ZNF148: variants seen among roughly 807,000 people sequenced by gnomAD.
The protein encoded by ZNF148 is Beta-Enolase Repressor Factor-1.
Under a neutral mutation model 67.7 loss-of-function variants are expected in ZNF148, and 7 were observed. The ratio of observed to expected loss-of-function variants is 0.10; its 90% CI spans 0.06 to 0.19. The LOEUF (loss-of-function observed/expected upper bound fraction) is 0.19, where lower values mean the gene tolerates loss of function less well. Among genes scored for constraint, ZNF148 ranks in the 10% least tolerant of loss-of-function variants. ZNF148 has a pLI of 1.00. For synonymous variants in ZNF148, 333 were observed against 330.7 expected (o/e 1.01, Z -0.08); for missense variants, 583 against 947.1 (o/e 0.62, Z 5.05).
At chr3:125,369,130 T>C (rs893686769) in intron 1 of ZNF148, among the ~76,000 whole-genome samples, 1 of 150,102 alleles carries the variant, frequency 6.7e-6, no homozygotes, top group Non-Finnish European at 1.5e-5. Context: ...GGTGTGCTGG[T>C]GTGTGCCTCT....
rs2107822407 is a variant in ZNF148 at position 125,229,632 on chromosome 3, C to T, written c.*2709G>A. ...AAAAGCACACCTCACTCAGATTGAT[C>T]AAAAGTTTAAGGGTGTACCAGCATG... On this transcript the variant is annotated 3_prime_UTR_variant, in exon 9 of 9. Coordinates refer to ENST00000360647, the MANE Select transcript of ZNF148 (RefSeq NM_021964.3). 1 of 152,222 alleles carries T rather than the reference C, an allele frequency of 6.6e-6. No homozygotes were observed. Among genetic ancestry groups the T allele is most frequent in the South Asian group, 2.1e-4 (1 of 4,822 alleles). 9.4% of individuals were successfully genotyped at this position (152,222 alleles called of 1,614,324 possible).
chr3:125,314,499 C>T (rs56347530), intron 3 of ZNF148, among the ~76,000 whole-genome samples: 14,426 of 152,182 alleles, frequency 0.095, 847 homozygotes, highest in Middle Eastern at 0.14. Flanking sequence ...TTTCAGCAGT[C>T]AAATACCTAA....
chr3:125,296,247 G>C (rs960370729), intron 4 of ZNF148, among the ~76,000 whole-genome samples: 1 of 151,816 alleles, frequency 6.6e-6, no homozygotes, highest in South Asian at 2.1e-4. Flanking sequence ...TCAGCCTTTG[G>C]AGTAGCTGGG....
chr3:125,347,058 T>A (rs992441508), intron 1 of ZNF148, among the ~76,000 whole-genome samples: 1 of 151,876 alleles, frequency 6.6e-6, no homozygotes, highest in African/African-American at 2.4e-5. Context: ...CAATGAACAA[T>A]TCAAAAATAA....
At chr3:125,260,582 T>C (rs1937291625) in intron 7 of ZNF148, among the ~76,000 whole-genome samples, 2 of 152,142 alleles carry the variant, frequency 1.3e-5, no homozygotes, top group Non-Finnish European at 2.9e-5. Context: ...GACAAAAATC[T>C]TATCAGTGTT....
intron 1 of ZNF148, among the ~76,000 whole-genome samples, chr3:125,354,781 A>T (rs979190315): frequency 6.6e-6 from 1 of 152,196 alleles, no homozygotes; most frequent in African/African-American, 2.4e-5. Context: ...TTTTTCAGAC[A>T]TTTTCTTAAA....
At chr3:125,268,667 C>T (rs1041877681) in intron 7 of ZNF148, among the ~76,000 whole-genome samples, 2 of 152,078 alleles carry the variant, frequency 1.3e-5, no homozygotes, top group African/African-American at 4.8e-5. Flanking sequence ...ATGACTAAGT[C>T]CCGCAATTGC....
intron 1 of ZNF148, among the ~76,000 whole-genome samples, chr3:125,365,174 C>T (rs914317147): frequency 1.3e-5 from 2 of 152,236 alleles, no homozygotes; most frequent in Admixed American, 6.5e-5. Context: ...ATGTATCCTT[C>T]ACACTCCCTA....
At chr3:125,302,686 A>C (rs1177280768) in intron 4 of ZNF148, among the ~76,000 whole-genome samples, 1 of 152,242 alleles carries the variant, frequency 6.6e-6, no homozygotes, top group Admixed American at 6.5e-5. Flanking sequence ...TCAAGCAGAC[A>C]CTGAAGTTGT....
At chr3:125,349,394 T>C (rs1397993226) in intron 1 of ZNF148, among the ~76,000 whole-genome samples, 1 of 152,042 alleles carries the variant, frequency 6.6e-6, no homozygotes, top group Non-Finnish European at 1.5e-5. Context: ...AAATAACAAA[T>C]AGCCTGCTTT....
chr3:125,270,343 A>T (rs898862264), intron 7 of ZNF148, among the ~76,000 whole-genome samples: 5 of 146,662 alleles, frequency 3.4e-5, no homozygotes, highest in Non-Finnish European at 7.6e-5. Context: ...TCCATCTCTA[A>T]AAAAAAAAAA....
chr3:125,290,976 T>C (rs1938979429), intron 4 of ZNF148, among the ~76,000 whole-genome samples: 1 of 152,144 alleles, frequency 6.6e-6, no homozygotes, highest in African/African-American at 2.4e-5. Flanking sequence ...TCTTCTTAAC[T>C]TCACCTAGTC....
chr3:125,237,635 G>A (rs966371486), intron 7 of ZNF148, among the ~76,000 whole-genome samples: 13 of 152,018 alleles, frequency 8.6e-5, no homozygotes, highest in Non-Finnish European at 1.5e-5. Context: ...GCTCATTAAC[G>A]TCAGAAGTTA....
At chr3:125,260,604 G>A (rs1359790023) in intron 7 of ZNF148, among the ~76,000 whole-genome samples, 2 of 152,210 alleles carry the variant, frequency 1.3e-5, no homozygotes, top group African/African-American at 4.8e-5. Flanking sequence ...GTCATGGGGT[G>A]TTGGTAGGAG....
At chr3:125,285,006 C>T (rs564015500) in intron 5 of ZNF148, among the ~76,000 whole-genome samples, 1 of 150,750 alleles carries the variant, frequency 6.6e-6, no homozygotes, top group South Asian at 2.1e-4. Context: ...GATGGAATAA[C>T]AACACAGTAC....
intron 7 of ZNF148, among the ~76,000 whole-genome samples, chr3:125,241,009 T>C (rs74281240): frequency 8.5e-6 from 1 of 118,230 alleles, no homozygotes; most frequent in Non-Finnish European, 2.0e-5. Flanking sequence ...CTTTAGTACA[T>C]ATTTCCTTCC....
intron 3 of ZNF148, among the ~76,000 whole-genome samples, chr3:125,316,384 A>T (rs1940493074): frequency 6.6e-6 from 1 of 152,224 alleles, no homozygotes; most frequent in Admixed American, 6.5e-5. Context: ...GCTAGATTGT[A>T]TGCTAGCTCA....
chr3:125,279,286 G>T, intron 5 of ZNF148, 39 bp from the exon 6 acceptor site: 1 of 1,427,262 alleles, frequency 7.0e-7, no homozygotes, highest in Non-Finnish European at 9.3e-7. Context: ...AAAGAAATAA[G>T]TTTTTAAAAT....
intron 1 of ZNF148, among the ~76,000 whole-genome samples, chr3:125,334,218 A>C (rs907971998): frequency 1.9e-4 from 29 of 152,202 alleles, no homozygotes; most frequent in African/African-American, 6.5e-4. Flanking sequence ...CAGGTGGTCC[A>C]ATTTATTAAT....
Sources: gnomAD v4.1 joint callset for allele counts (sites outside exome capture counted in the v4.1 genomes callset) on GRCh38, gnomAD v4.1.1 for gene constraint, MANE v1.5 for transcripts, NCBI Gene and HGNC (gene_info 2026-07-23, HGNC 2026-07-21) for gene names.